Variants in ZSWIM2 observed in about 807,000 individuals in gnomAD.
ZSWIM2 encodes the protein zinc finger SWIM-type containing 2, also known as E3 ubiquitin-protein ligase ZSWIM2.
A neutral mutation model predicts 48.4 loss-of-function variants in ZSWIM2; 38 were observed. The ratio of observed to expected loss-of-function variants is 0.79; its 90% confidence interval spans 0.61 to 1.03. ZSWIM2 has a LOEUF of 1.03. Among genes scored for constraint, ZSWIM2 ranks in the 50% least tolerant of loss-of-function variants. The probability of loss-of-function intolerance (pLI) is 0.00; values close to 1 mark genes in which losing one functional copy is unlikely to be tolerated. For missense variants in ZSWIM2, 776 were observed against 730.2 expected, an observed-to-expected ratio of 1.06 and a Z score of -0.72; for synonymous variants, 240 against 251.3, an observed-to-expected ratio of 0.96 and a Z score of 0.42.
intron 2 of ZSWIM2, among the ~76,000 whole-genome samples, chr2:186,846,148 A>C (rs1171669251): frequency 6.6e-6 from 1 of 151,978 alleles, no homozygotes; most frequent in Non-Finnish European, 1.5e-5. Context: ...TAATTAAACT[A>C]TAAAGCTTCT....
At position 186,828,492 on chromosome 2, in the gene ZSWIM2, G is replaced by A. The variant is rs1169868402; in HGVS notation, c.1394C>T (p.Thr465Ile). Residue 465 changes from threonine to isoleucine, a missense_variant, in exon 9 of 9, where the codon ACA becomes ATA. By Grantham distance (89) the Thr-to-Ile change is moderately conservative. Transcript: ENST00000295131. ...PQSPKDAYEN[T>I]TIDNLCSIKL... ...GATAGAGCATAGATTATCTATTGTTGTATTTTCATAGGCATCTTTTGGGCT... is the reference window on the plus strand; with the variant it reads ...GATAGAGCATAGATTATCTATTGTTATATTTTCATAGGCATCTTTTGGGCT... 1 of 1,613,196 alleles carries A rather than the reference G, an allele frequency of 6.2e-7. No individual in the cohort carries two copies. The highest frequency in any genetic ancestry group is 8.5e-7 in the Non-Finnish European group (1 of 1,179,632).
chr2:186,835,689 T>G (rs2105818068), intron 5 of ZSWIM2, among the ~76,000 whole-genome samples: 1 of 152,328 alleles, frequency 6.6e-6, no homozygotes, highest in South Asian at 2.1e-4. Context: ...AGAAACTTTC[T>G]AGTTAATCTT....
Position 186,841,145 on chromosome 2 carries a change from C to T in ZSWIM2, c.284-1976G>A, listed in dbSNP as rs578141032. Reference sequence around the variant, plus strand: ...GTTATTTGAAGGCATTTTAGATCTTCCATAAAGGAATGTTAAATAAATATA... The same window carrying T: ...GTTATTTGAAGGCATTTTAGATCTTTCATAAAGGAATGTTAAATAAATATA... On this transcript the variant is annotated intron_variant, in intron 3 of 8. Transcript: ENST00000295131. 1.3e-4 allele frequency among the ~76,000 whole-genome samples: 19 copies of T among 151,460 alleles called. 1 individual carries two copies. The East Asian group carries it at 3.7e-3, about 29-fold the overall frequency.
Position 186,844,736 on chromosome 2 carries a change from C to A in ZSWIM2, c.264G>T (p.Lys88Asn). 6.4e-7 allele frequency: 1 copy of A among 1,557,976 alleles called. No individual in the cohort carries two copies. Among genetic ancestry groups the A allele is most frequent in the Non-Finnish European group, 8.6e-7 (1 of 1,158,006 alleles). Residue 88 changes from lysine to asparagine, a missense_variant, in exon 3 of 9, where the codon AAG (lysine) becomes AAT (asparagine). Transcript: ENST00000295131. The stretch of plus-strand genomic sequence containing the variant: ...ACTTACATTCATGGTTCCTTGGAAG[C>A]TTGAATTTTTTCAACAAGACCCTAA... Reference protein sequence around the residue: ...HICWVLLKKFKLPRNHESALQ... With the variant: ...HICWVLLKKFNLPRNHESALQ...
rs1209189242 is a variant in ZSWIM2 at position 186,833,110 on chromosome 2, G to C, written c.941+10C>G. 34 of 1,274,244 alleles carry C rather than the reference G, an allele frequency of 2.7e-5. No individual in the cohort carries two copies. The highest frequency in any genetic ancestry group is 5.3e-5 in the Admixed American group (2 of 37,880). 78.9% of individuals were successfully genotyped at this position (1,274,244 alleles called of 1,614,324 possible). Reference sequence around the variant, plus strand: ...CATACAACAAATATAAAATTTACTGGGAACCTCACCCTTGCTTTTCTTGAA... The same window carrying C: ...CATACAACAAATATAAAATTTACTGCGAACCTCACCCTTGCTTTTCTTGAA... On this transcript the variant is annotated intron_variant, in intron 7 of 8. Coordinates refer to ENST00000295131, the MANE Select transcript of ZSWIM2 (RefSeq NM_182521.3).
chr2:186,844,865 G>A, intron 2 of ZSWIM2, 108 bp from the exon 3 acceptor site: 2 of 967,956 alleles, frequency 2.1e-6, no homozygotes, highest in Non-Finnish European at 2.9e-6. Context: ...TTTATATTAT[G>A]GAAAGTGTTA....
In ZSWIM2 at chr2:186,833,938, T is replaced by C. The variant is rs764450406; in HGVS notation, c.828+8A>G. 8.7e-6 allele frequency: 14 copies of C among 1,607,252 alleles called. No individual in the cohort carries two copies. In the South Asian group the frequency reaches 1.2e-4, roughly 14 times the overall value. On this transcript the variant is annotated splice_region_variant and intron_variant, in intron 6 of 8. Coordinates refer to ENST00000295131, the MANE Select transcript of ZSWIM2 (RefSeq NM_182521.3). ...AACACTGTATTAGATTCAAGATGGA[T>C]ACTGTACCTCACGAAATGTAAACGT...
intron 3 of ZSWIM2, 27 bp from the exon 4 acceptor site, chr2:186,839,196 A>G: frequency 1.2e-6 from 2 of 1,603,974 alleles, no homozygotes; most frequent in Non-Finnish European, 1.7e-6. Flanking sequence ...AAGTATTAAA[A>G]TCCAGTCATA....
Position 186,828,019 on chromosome 2 carries a change from CAGT to C in ZSWIM2, c.1864_1866del (p.Thr622del). 6.2e-7 allele frequency: 1 copy of C among 1,607,450 alleles called. No individual in the cohort carries two copies. Among genetic ancestry groups the C allele is most frequent in the Non-Finnish European group, 8.5e-7 (1 of 1,177,732 alleles). On this transcript the variant is annotated inframe_deletion, in exon 9 of 9. Transcript: ENST00000295131. ...ACTCCTTCTATTATTAAAGATAGCT[CAGT>C]ACTTTTTGTATTTACAGAGTGAGAC...
intron 7 of ZSWIM2, among the ~76,000 whole-genome samples, chr2:186,831,965 G>A: frequency 6.6e-6 from 1 of 151,954 alleles, no homozygotes; most frequent in East Asian, 1.9e-4. Context: ...CATGGCACAT[G>A]TATACATATG....
chr2:186,837,514 T>A lies in ZSWIM2; in HGVS notation c.535A>T (p.Ile179Phe), dbSNP rs778204166. 1.9e-6 allele frequency: 3 copies of A among 1,611,558 alleles called. No homozygotes were observed. Among genetic ancestry groups the A allele is most frequent in the Non-Finnish European group, 2.5e-6 (3 of 1,178,526 alleles). ...GATGTACTCTGATAATTAGCTAAGA[T>A]CTTCATGCATTTTATATGAATACTA... is the stretch of plus-strand genomic sequence containing the variant. ...GNSIHIKCMK[I>F]LANYQSTSNT... The change falls in exon 5 of 9, where the codon ATC becomes TTC. Residue 179 changes from isoleucine to phenylalanine, a missense_variant. Physicochemically the swap from Ile to Phe is conservative, Grantham distance 21. Transcript: ENST00000295131.
Position 186,828,582 on chromosome 2 carries a change from T to A in ZSWIM2, c.1304A>T (p.Gln435Leu), listed in dbSNP as rs779673860. Residue 435 changes from glutamine (Q) to leucine (L), a missense_variant, in exon 9 of 9, where the codon CAA becomes CTA. By Grantham distance (113) the Gln-to-Leu change is moderately radical. Transcript: ENST00000295131. ...FIPGTGLVLK[Q>L]NRLGILPSIP... ...GCTAGGTAAAATTCCAAGTCTATTT[T>A]GTTTTAAGACTAATCCAGTACCAGG... 6.2e-7 allele frequency: 1 copy of A among 1,613,048 alleles called. No individual in the cohort carries two copies. Among genetic ancestry groups the A allele is most frequent in the Non-Finnish European group, 8.5e-7 (1 of 1,179,370 alleles).
Position 186,833,190 on chromosome 2 carries a change from C to A in ZSWIM2, c.871G>T (p.Glu291Ter). 3.2e-6 allele frequency: 5 copies of A among 1,544,848 alleles called. No individual in the cohort carries two copies. Among genetic ancestry groups the A allele is most frequent in the Non-Finnish European group, 4.4e-6 (5 of 1,148,502 alleles). The change falls in exon 7 of 9, where the codon GAA (glutamate) becomes TAA (stop). Residue 291 changes from glutamate to a stop codon, truncating the protein, a stop_gained. Transcript: ENST00000295131. LOFTEE classifies it high-confidence loss of function. ...TTAGTATCTATGTATTTTACAACTT[C>A]ATCTGCTCTTTTTTCTAGTGATCTC... ...KWRSLEKRAD[E>*]VVKYIDTKNE...
intron 3 of ZSWIM2, among the ~76,000 whole-genome samples, chr2:186,841,617 A>G (rs1691904012): frequency 6.6e-6 from 1 of 151,366 alleles, no homozygotes; most frequent in Non-Finnish European, 1.5e-5. Flanking sequence ...TTAGAAATAA[A>G]TGCCTAATAG....
At chr2:186,848,781 T>TA (rs1343363431) in intron 1 of ZSWIM2, 185 bp downstream of exon 1, 1 of 707,410 alleles carries the variant, frequency 1.4e-6, no homozygotes, top group African/African-American at 1.8e-5. Context: ...TTCTAATAAA[T>TA]ACTATTTCCT....
intron 3 of ZSWIM2, among the ~76,000 whole-genome samples, chr2:186,843,139 A>G (rs1434147018): frequency 1.3e-5 from 2 of 151,624 alleles, no homozygotes; most frequent in East Asian, 3.9e-4. Context: ...CTACTAGAAA[A>G]TTACATATGT....
intron 5 of ZSWIM2, 130 bp downstream of exon 5, chr2:186,837,176 A>T (rs999289725): frequency 1.1e-6 from 1 of 903,316 alleles, no homozygotes; most frequent in African/African-American, 1.7e-5. Flanking sequence ...CTAAATAAGC[A>T]GTCGTCACAC....
At chr2:186,845,706 ATGAGT>A (rs1691985201) in intron 2 of ZSWIM2, among the ~76,000 whole-genome samples, 1 of 151,504 alleles carries the variant, frequency 6.6e-6, no homozygotes, top group South Asian at 2.1e-4. Context: ...GCAAAACAAA[ATGAGT>A]TGATTTGTAT....
At chr2:186,835,952 C>T (rs1157093866) in intron 5 of ZSWIM2, among the ~76,000 whole-genome samples, 1 of 151,886 alleles carries the variant, frequency 6.6e-6, no homozygotes, top group African/African-American at 2.4e-5. Context: ...GGATAGTGGG[C>T]CATGTGTTTA....
Sources: allele counts gnomAD v4.1 joint callset (sites outside exome capture counted in the v4.1 genomes callset), GRCh38; gene constraint gnomAD v4.1.1; transcripts MANE v1.5; gene names NCBI Gene and HGNC (gene_info 2026-07-23, HGNC 2026-07-21).